The following GRIA3 variants were observed in gnomAD, a reference collection of about 807,000 sequenced individuals.
The protein encoded by GRIA3 is glutamate ionotropic receptor AMPA type subunit 3, also known as glutamate receptor 3.
Under a neutral mutation model 63.0 loss-of-function variants are expected in GRIA3, and 3 were observed. The observed-to-expected ratio is 0.05, with a 90% confidence interval of 0.02 to 0.12. The LOEUF is 0.12. Ranked by LOEUF, GRIA3 falls within the 10% of genes least tolerant of loss-of-function variation. GRIA3 has a pLI of 1.00. For synonymous variants in GRIA3, 274 were observed against 257.9 expected, an observed-to-expected ratio of 1.06 and a Z score of -0.60; for missense variants, 347 against 700.9, an observed-to-expected ratio of 0.50 and a Z score of 5.70.
intron 12 of GRIA3, among the ~76,000 whole-genome samples, chrX:123,459,336 C>T (rs1459215369): frequency 3.6e-5 from 4 of 111,775 alleles, no homozygotes; most frequent in Non-Finnish European, 3.8e-5. Context: ...TGAACAACAC[C>T]GTTGCAAAGA....
At chrX:123,333,213 T>C (rs886311527) in intron 4 of GRIA3, among the ~76,000 whole-genome samples, 2 of 112,040 alleles carry the variant, frequency 1.8e-5, no homozygotes, top group Non-Finnish European at 3.8e-5. Flanking sequence ...TCTGAGGTCA[T>C]GCCCCCATGA....
At chrX:123,290,325 A>G (rs916444054) in intron 3 of GRIA3, among the ~76,000 whole-genome samples, 1 of 112,025 alleles carries the variant, frequency 8.9e-6, no homozygotes, top group African/African-American at 3.2e-5. Flanking sequence ...GTCAAGTTAC[A>G]GCAAATATAT....
intron 4 of GRIA3, among the ~76,000 whole-genome samples, chrX:123,338,010 C>G (rs2044984949): frequency 8.9e-6 from 1 of 112,040 alleles, no homozygotes; most frequent in Admixed American, 9.5e-5. Flanking sequence ...ATCCTTCAAA[C>G]TCTGACCGAA....
intron 3 of GRIA3, among the ~76,000 whole-genome samples, chrX:123,321,947 G>T (rs937738568): frequency 9.0e-6 from 1 of 111,218 alleles, no homozygotes; most frequent in African/African-American, 3.3e-5. Context: ...CCTCGCTGGG[G>T]GTATGAGGGT....
chrX:123,445,536 C>T (rs1407772286), intron 12 of GRIA3, among the ~76,000 whole-genome samples: 1 of 111,763 alleles, frequency 8.9e-6, no homozygotes, highest in Non-Finnish European at 1.9e-5. Flanking sequence ...GTCTTCCAGG[C>T]AATTTCCAGG....
At chrX:123,487,705 G>GA (rs1454129733) in intron 15 of GRIA3, among the ~76,000 whole-genome samples, 1 of 111,691 alleles carries the variant, frequency 9.0e-6, no homozygotes, top group East Asian at 2.8e-4. Context: ...GAGACAGGGG[G>GA]AGACTTTATT....
At chrX:123,339,428 G>A (rs759128387) in intron 4 of GRIA3, among the ~76,000 whole-genome samples, 44 of 112,143 alleles carry the variant, frequency 3.9e-4, no homozygotes, top group Admixed American at 8.5e-4. Flanking sequence ...ATAAGGACTA[G>A]TAAAGAAAAA....
Position 123,392,277 on chromosome X carries a change from C to T in GRIA3, c.751-2691C>T, listed in dbSNP as rs1356019753. Among the ~76,000 whole-genome samples, 5 of 111,667 alleles carry T rather than the reference C, an allele frequency of 4.5e-5. No individual in the cohort carries two copies. In the South Asian group the frequency reaches 1.5e-3, roughly 34 times the overall value. On this transcript the variant is annotated intron_variant, in intron 5 of 15. Coordinates refer to ENST00000620443, the MANE Select transcript of GRIA3 (RefSeq NM_007325.5). ...GGGTCACTGCCAATGACTCGTGTTT[C>T]GCCCTGGCAGCAGCAGCCAACAATA...
At chrX:123,428,717 G>A (rs1180150266) in intron 12 of GRIA3, among the ~76,000 whole-genome samples, 1 of 111,645 alleles carries the variant, frequency 9.0e-6, no homozygotes, top group Non-Finnish European at 1.9e-5. Flanking sequence ...TTGGGTAGAC[G>A]TATTCCCTCA....
intron 12 of GRIA3, among the ~76,000 whole-genome samples, chrX:123,451,645 T>G (rs1270907336): frequency 9.3e-6 from 1 of 107,601 alleles, no homozygotes; most frequent in Non-Finnish European, 1.9e-5. Flanking sequence ...GAATATAGAT[T>G]GAGCTGACAA....
chrX:123,186,712 G>A (rs1008584305), intron 2 of GRIA3, among the ~76,000 whole-genome samples: 4 of 111,509 alleles, frequency 3.6e-5, no homozygotes, highest in Non-Finnish European at 7.5e-5. Flanking sequence ...GCCTCCCCTA[G>A]TGTTGTTCAC....
chrX:123,372,015 A>C (rs2045250298), intron 5 of GRIA3, among the ~76,000 whole-genome samples: 1 of 112,071 alleles, frequency 8.9e-6, no homozygotes, highest in South Asian at 3.8e-4. Flanking sequence ...AGGAGGTCTC[A>C]GATTCAAGTC....
At chrX:123,381,597 C>T in intron 5 of GRIA3, among the ~76,000 whole-genome samples, 2 of 111,698 alleles carry the variant, frequency 1.8e-5, no homozygotes, top group Admixed American at 1.9e-4. Flanking sequence ...TACCTCTCTC[C>T]TAATTTCCAT....
At chrX:123,436,218 C>A (rs767633884) in intron 12 of GRIA3, among the ~76,000 whole-genome samples, 1 of 111,542 alleles carries the variant, frequency 9.0e-6, no homozygotes, top group East Asian at 2.8e-4. Context: ...TCTCCAGACA[C>A]AGTTCTGTAG....
chrX:123,416,631 T>C (rs1266288864), intron 10 of GRIA3, among the ~76,000 whole-genome samples: 1 of 113,216 alleles, frequency 8.8e-6, no homozygotes, highest in Non-Finnish European at 1.9e-5. Context: ...TCAATCCATG[T>C]GAGTGCTACA....
chrX:123,427,372 G>T (rs2045595112), intron 11 of GRIA3, among the ~76,000 whole-genome samples: 1 of 110,682 alleles, frequency 9.0e-6, no homozygotes, highest in South Asian at 3.9e-4. Context: ...TGATTTAATT[G>T]GTGGGCCTGG....
chrX:123,315,123 C>A (rs1252380310), intron 3 of GRIA3, among the ~76,000 whole-genome samples: 1 of 111,351 alleles, frequency 9.0e-6, no homozygotes, highest in Non-Finnish European at 1.9e-5. Context: ...CACAAATTAG[C>A]CAAGTACTCA....
At chrX:123,474,107 A>C (rs186799108) in intron 13 of GRIA3, among the ~76,000 whole-genome samples, 157 of 111,642 alleles carry the variant, frequency 1.4e-3, no homozygotes, top group African/African-American at 4.6e-3. Context: ...CCATATTGAC[A>C]GTATAGATTC....
At chrX:123,346,978 C>G (rs2045054158) in intron 4 of GRIA3, among the ~76,000 whole-genome samples, 1 of 112,092 alleles carries the variant, frequency 8.9e-6, no homozygotes, top group Non-Finnish European at 1.9e-5. Context: ...AATAAAAAGC[C>G]CTGATTTGTA....
Sources: gnomAD v4.1 joint callset for allele counts (sites outside exome capture counted in the v4.1 genomes callset) on GRCh38, gnomAD v4.1.1 for gene constraint, MANE v1.5 for transcripts, NCBI Gene and HGNC (gene_info 2026-07-23, HGNC 2026-07-21) for gene names.